TLL2: variants seen among roughly 807,000 people sequenced by gnomAD.
TLL2 encodes tolloid like 2, also known as tolloid-like protein 2.
A neutral mutation model predicts 123.0 loss-of-function variants in TLL2; 106 were observed. That is an observed-to-expected ratio of 0.86 (90% CI 0.74 to 1.01). The LOEUF (loss-of-function observed/expected upper bound fraction) is 1.01, where lower values mean the gene tolerates loss of function less well. TLL2 is among the 50% of genes least tolerant of loss of function. The pLI is 0.00. For missense variants in TLL2, 1,332 were observed against 1,336.7 expected (o/e 1.00, Z 0.06); for synonymous variants, 494 against 516.8 (o/e 0.96, Z 0.60).
chr10:96,417,983 G>A (rs1325563554), intron 7 of TLL2, among the ~76,000 whole-genome samples: 1 of 152,206 alleles, frequency 6.6e-6, no homozygotes, highest in Non-Finnish European at 1.5e-5. Flanking sequence ...AGCAGGAGGG[G>A]CTGCCTGCCC....
chr10:96,480,290 C>G, intron 2 of TLL2, 59 bp downstream of exon 2: 1 of 1,426,032 alleles, frequency 7.0e-7, no homozygotes, highest in Non-Finnish European at 9.9e-7. Flanking sequence ...CACATCTCCC[C>G]CTGCTGAAGT....
chr10:96,450,723 A>G (rs1284356700), intron 2 of TLL2, among the ~76,000 whole-genome samples: 1 of 152,198 alleles, frequency 6.6e-6, no homozygotes, highest in Non-Finnish European at 1.5e-5. Context: ...CTATAACTGC[A>G]GCTGCAGGCA....
In TLL2 at chr10:96,395,336, T is replaced by C. The variant is rs1263678733; in HGVS notation, c.1577A>G (p.Asp526Gly). The stretch of plus-strand genomic sequence containing the variant: ...CAGGGCACTCTCTTCCGTGGGGCCA[T>C]CCCGGACTTCCAGGTAGTCATATGC... Reference protein sequence around the residue: ...SCAYDYLEVRDGPTEESALIG... With the variant: ...SCAYDYLEVRGGPTEESALIG... The change falls in exon 13 of 21, where the codon GAT becomes GGT. Residue 526 changes from aspartate to glycine, a missense_variant. Physicochemically the swap from Asp to Gly is moderately conservative, Grantham distance 94. Transcript: ENST00000357947. 7 of 1,612,268 alleles carry C rather than the reference T, an allele frequency of 4.3e-6. 1 individual carries two copies. In the Middle Eastern group the frequency reaches 6.6e-4, roughly 153 times the overall value.
At position 96,397,207 on chromosome 10, in the gene TLL2, C is replaced by T. The variant is rs748657072; in HGVS notation, c.1363G>A (p.Gly455Ser). 4.3e-6 allele frequency: 7 copies of T among 1,613,746 alleles called. No homozygotes were observed. Among genetic ancestry groups the T allele is most frequent in the Non-Finnish European group, 5.1e-6 (6 of 1,179,784 alleles). ...FRSSSNILGK[G>S]FFAAYEATCG... ...AAACCTTCGTACGCTGCAAAGAAGC[C>T]CTTGCCCAAGATGTTGCTGCTGCTG... The change falls in exon 11 of 21, where the codon GGC becomes AGC. Residue 455 changes from glycine (G) to serine (S), a missense_variant. Transcript: ENST00000357947.
intron 19 of TLL2, among the ~76,000 whole-genome samples, chr10:96,370,695 C>T (rs1846073952): frequency 6.6e-6 from 1 of 152,210 alleles, no homozygotes; most frequent in African/African-American, 2.4e-5. Context: ...GTGTTGGATG[C>T]ATCTGAGAAG....
At chr10:96,455,800 C>A (rs914509252) in intron 2 of TLL2, among the ~76,000 whole-genome samples, 8 of 152,210 alleles carry the variant, frequency 5.3e-5, no homozygotes, top group African/African-American at 1.9e-4. Flanking sequence ...TTCTTTCATT[C>A]CTTTACTTTC....
chr10:96,452,450 G>A (rs929488976), intron 2 of TLL2, among the ~76,000 whole-genome samples: 1 of 152,230 alleles, frequency 6.6e-6, no homozygotes, highest in African/African-American at 2.4e-5. Context: ...CCAGCTCACG[G>A]CCAGCTAGAG....
intron 2 of TLL2, among the ~76,000 whole-genome samples, chr10:96,464,891 C>T (rs967539114): frequency 6.6e-6 from 1 of 152,212 alleles, no homozygotes; most frequent in Non-Finnish European, 1.5e-5. Flanking sequence ...GTTGCCTACA[C>T]TCAGGGATTA....
chr10:96,496,700 A>G (rs1376989645), intron 1 of TLL2, among the ~76,000 whole-genome samples: 1 of 152,226 alleles, frequency 6.6e-6, no homozygotes, highest in Non-Finnish European at 1.5e-5. Flanking sequence ...ATCAACAAAC[A>G]CACCTGCTCA....
chr10:96,513,857 T>A lies in TLL2; in HGVS notation c.-172A>T. 1.4e-5 allele frequency: 10 copies of A among 691,828 alleles called. No individual in the cohort carries two copies. Among genetic ancestry groups the A allele is most frequent in the Non-Finnish European group, 1.5e-5 (7 of 462,132 alleles). The allele number at this position is 691,828 out of a possible 1,614,324, so 42.9% of individuals were successfully genotyped here. ...CGGAGCGCGGCGCCCCCTGTCTTCG[T>A]CGAGGCAACCGGGAAGCAGCCGCTC... On this transcript the variant is annotated 5_prime_UTR_variant, in exon 1 of 21. Coordinates refer to ENST00000357947, the MANE Select transcript of TLL2 (RefSeq NM_012465.4).
rs1442625857 is a variant in TLL2 at position 96,459,686 on chromosome 10, AAAAAAAAAAAAAAAAAAAAATAT to A, written c.287-13541_287-13519del. 1.6e-4 allele frequency among the ~76,000 whole-genome samples: 9 copies of A among 56,982 alleles called. No individual in the cohort carries two copies. In the South Asian group the frequency reaches 1.9e-3, roughly 12 times the overall value. The allele number at this position is 56,982 out of a possible 152,430, so 37.4% of individuals were successfully genotyped here. On this transcript the variant is annotated intron_variant, in intron 2 of 20. Coordinates refer to ENST00000357947, the MANE Select transcript of TLL2 (RefSeq NM_012465.4). ...TCCTGTTTCAAAAAAAAAAAAAAAAAAAAAAAAAAAAAAAAAAAAATATATATATATATATATATATATATAGC... is the reference window on the plus strand; with the variant it reads ...TCCTGTTTCAAAAAAAAAAAAAAAAAATATATATATATATATATATATAGC...
At chr10:96,476,236 A>C (rs1161221033) in intron 2 of TLL2, among the ~76,000 whole-genome samples, 4 of 20,448 alleles carry the variant, frequency 2.0e-4, no homozygotes, top group South Asian at 1.3e-3. Context: ...ATATATATAT[A>C]TATATTTTAT....
At chr10:96,452,892 C>A (rs1440514892) in intron 2 of TLL2, among the ~76,000 whole-genome samples, 1 of 152,202 alleles carries the variant, frequency 6.6e-6, no homozygotes, top group South Asian at 2.1e-4. Flanking sequence ...CAGGAATGAA[C>A]AAGGCAATCG....
At chr10:96,388,028 C>T (rs984145260) in intron 13 of TLL2, among the ~76,000 whole-genome samples, 9 of 151,982 alleles carry the variant, frequency 5.9e-5, no homozygotes, top group African/African-American at 2.2e-4. Context: ...AAAAGTTGAA[C>T]CTAGGAAGAA....
intron 13 of TLL2, among the ~76,000 whole-genome samples, chr10:96,393,391 G>A (rs1236454318): frequency 6.6e-6 from 1 of 152,248 alleles, no homozygotes; most frequent in Non-Finnish European, 1.5e-5. Context: ...ACTACACTCG[G>A]TGTATTGACT....
chr10:96,487,879 TACATTTC>T (rs533925199), intron 1 of TLL2, among the ~76,000 whole-genome samples: 8 of 152,144 alleles, frequency 5.3e-5, no homozygotes, highest in Non-Finnish European at 1.2e-4. Context: ...GGCTCCCATG[TACATTTC>T]ACTTGTGAAA....
intron 1 of TLL2, among the ~76,000 whole-genome samples, chr10:96,502,654 G>A (rs1021477617): frequency 1.3e-5 from 2 of 152,178 alleles, no homozygotes; most frequent in African/African-American, 2.4e-5. Flanking sequence ...AGGAGGACAG[G>A]ACAGGAAACC....
chr10:96,428,375 T>G (rs78842203), intron 5 of TLL2, among the ~76,000 whole-genome samples: 11,219 of 152,240 alleles, frequency 0.074, 589 homozygotes, highest in Non-Finnish European at 0.11. Context: ...AGTCTTCACA[T>G]GACACACCAC....
chr10:96,479,003 T>C (rs1346232050), intron 2 of TLL2, among the ~76,000 whole-genome samples: 1 of 152,234 alleles, frequency 6.6e-6, no homozygotes, highest in Non-Finnish European at 1.5e-5. Context: ...TCAGGTCAGC[T>C]TCTCCAGGCC....
Sources: allele counts gnomAD v4.1 joint callset (sites outside exome capture counted in the v4.1 genomes callset), GRCh38; gene constraint gnomAD v4.1.1; transcripts MANE v1.5; gene names NCBI Gene and HGNC (gene_info 2026-07-23, HGNC 2026-07-21).